PIGK: variants seen among roughly 807,000 people sequenced by gnomAD.
The protein encoded by PIGK is phosphatidylinositol glycan anchor biosynthesis class K, also known as GPI-anchor transamidase.
In PIGK, 42 loss-of-function variants were observed where a neutral mutation model predicts 50.6. The ratio of observed to expected loss-of-function variants is 0.83; its 90% CI spans 0.65 to 1.07. The LOEUF (loss-of-function observed/expected upper bound fraction) is 1.07. Ranked by LOEUF, PIGK falls within the 50% of genes least tolerant of loss-of-function variation. The probability of loss-of-function intolerance (pLI) is 0.00; values close to 1 mark genes in which losing one functional copy is unlikely to be tolerated. For missense variants in PIGK, 448 were observed against 488.7 expected (o/e 0.92, Z 0.78); for synonymous variants, 151 against 156.0 (o/e 0.97, Z 0.24).
rs1261363106 is a variant in PIGK at position 77,219,387 on chromosome 1, T to G, written c.16A>C (p.Ser6Arg). The G allele has an allele frequency of 1.9e-6, 3 of 1,613,478 alleles. No homozygotes were observed. The African/African-American group carries it at 4.0e-5, about 22-fold the overall frequency. Reference sequence around the variant, plus strand: ...AAGACAGTCGCAGCCCGGCTGAGGCTGTCGGTGACGGCCATGTTTACCGGC... The same window carrying G: ...AAGACAGTCGCAGCCCGGCTGAGGCGGTCGGTGACGGCCATGTTTACCGGC... MAVTD[S>R]LSRAATVLAT... Residue 6 changes from serine (S) to arginine (R), a missense_variant, in exon 1 of 11, where the codon AGC becomes CGC. Physicochemically the swap from Ser to Arg is moderately radical, Grantham distance 110. Transcript: ENST00000370812.
chr1:77,139,855 T>C (rs6700145), intron 9 of PIGK, among the ~76,000 whole-genome samples: 17,223 of 152,202 alleles, frequency 0.11, 1,334 homozygotes, highest in African/African-American at 0.21. Context: ...AGTCAATTGA[T>C]TATTCTTTAT....
chr1:77,169,317 C>G lies in PIGK; in HGVS notation c.318G>C (p.Lys106Asn). The change falls in exon 4 of 11, where the codon AAG becomes AAC. Residue 106 changes from lysine to asparagine, a missense_variant. Transcript: ENST00000370812. The part of the protein sequence containing the change: ...NPKPATVFSH[K>N]NMELNVYGDD... ...CTCCATACACATTTAGTTCCATATT[C>G]TTGTGACTAAACACTGTAGCTGGTT... 6.3e-7 allele frequency: 1 copy of G among 1,598,032 alleles called. No individual in the cohort carries two copies.
intron 2 of PIGK, 141 bp from the exon 3 acceptor site, chr1:77,206,872 A>G: frequency 1.9e-6 from 1 of 532,160 alleles, no homozygotes; most frequent in Non-Finnish European, 3.3e-6. Context: ...AAACACAAAA[A>G]ATTGTCAGTA....
At chr1:77,134,755 T>G (rs1235691506) in intron 9 of PIGK, among the ~76,000 whole-genome samples, 1 of 152,210 alleles carries the variant, frequency 6.6e-6, no homozygotes, top group Non-Finnish European at 1.5e-5. Context: ...CTTGGTGAGC[T>G]CATAAGCCTA....
At chr1:77,118,815 G>C (rs1030096238) in intron 10 of PIGK, among the ~76,000 whole-genome samples, 3 of 152,132 alleles carry the variant, frequency 2.0e-5, no homozygotes, top group Admixed American at 2.0e-4. Flanking sequence ...GTGATGGTTA[G>C]TACTGAGTGT....
chr1:77,147,391 C>T (rs1319405214), intron 9 of PIGK, among the ~76,000 whole-genome samples: 5 of 151,964 alleles, frequency 3.3e-5, no homozygotes, highest in African/African-American at 1.2e-4. Flanking sequence ...GAGGTGAGGG[C>T]AGGGGAGAAA....
chr1:77,136,445 C>T (rs1325010901), intron 9 of PIGK, among the ~76,000 whole-genome samples: 2 of 144,232 alleles, frequency 1.4e-5, no homozygotes, highest in Non-Finnish European at 1.5e-5. Flanking sequence ...AGGAGAACGG[C>T]GTGAACCCGG....
rs565131131 is a variant in PIGK, at chr1:77,197,556, G to A, written c.239+9084C>T. 4.9e-4 allele frequency among the ~76,000 whole-genome samples: 74 copies of A among 152,310 alleles called. 1 individual carries two copies. The highest frequency in any genetic ancestry group is 1.8e-3 in the African/African-American group (73 of 41,576). On this transcript the variant is annotated intron_variant, in intron 3 of 10. Coordinates refer to ENST00000370812, the MANE Select transcript of PIGK (RefSeq NM_005482.3). ...CAGTGAGAAACAAGGGAAGTAGAGA[G>A]GCAATGCAGCCACTCATGTTCTCGT...
intron 3 of PIGK, among the ~76,000 whole-genome samples, chr1:77,182,297 G>C (rs1406870119): frequency 6.6e-6 from 1 of 152,206 alleles, no homozygotes; most frequent in Non-Finnish European, 1.5e-5. Context: ...TCCAGCAGGG[G>C]AGAAAGATGT....
intron 3 of PIGK, among the ~76,000 whole-genome samples, chr1:77,205,152 C>T (rs945928075): frequency 6.6e-6 from 1 of 152,002 alleles, no homozygotes; most frequent in African/African-American, 2.4e-5. Context: ...ATGATTGACT[C>T]ATAGAAGAAA....
At chr1:77,194,981 G>A (rs545681435) in intron 3 of PIGK, 9 of 647,724 alleles carry the variant, frequency 1.4e-5, no homozygotes, top group African/African-American at 7.2e-5. Context: ...AGAGGATCAC[G>A]TGGAAGCAGT....
chr1:77,145,773 G>A (rs1383067496), intron 9 of PIGK, among the ~76,000 whole-genome samples: 1 of 151,740 alleles, frequency 6.6e-6, no homozygotes, highest in Non-Finnish European at 1.5e-5. Flanking sequence ...AAAAAATTTG[G>A]AGGACTTATA....
chr1:77,129,774 A>T, intron 9 of PIGK: 2 of 594,282 alleles, frequency 3.4e-6, no homozygotes, highest in Non-Finnish European at 5.1e-6. Context: ...AAAGTTGCCC[A>T]ACCTATACAT....
At chr1:77,113,059 T>A (rs1337627607) in intron 10 of PIGK, among the ~76,000 whole-genome samples, 2 of 152,106 alleles carry the variant, frequency 1.3e-5, no homozygotes, top group Non-Finnish European at 2.9e-5. Flanking sequence ...CAATGAATTT[T>A]AAAGGATCAA....
chr1:77,115,684 C>G (rs1348236911), intron 10 of PIGK, among the ~76,000 whole-genome samples: 1 of 152,094 alleles, frequency 6.6e-6, no homozygotes, highest in Non-Finnish European at 1.5e-5. Flanking sequence ...ACAGATGAAA[C>G]AAGACTTTGC....
chr1:77,203,009 C>A (rs1170722162), intron 3 of PIGK, among the ~76,000 whole-genome samples: 2 of 152,252 alleles, frequency 1.3e-5, no homozygotes, highest in East Asian at 3.9e-4. Context: ...CTTCGCAGAG[C>A]ATGGAGAACA....
intron 9 of PIGK, among the ~76,000 whole-genome samples, chr1:77,148,736 G>T (rs1412058263): frequency 3.4e-5 from 5 of 148,110 alleles, no homozygotes; most frequent in African/African-American, 1.3e-4. Flanking sequence ...TTTTTTTTGA[G>T]ACAGAGTCTT....
chr1:77,141,749 ATTAAT>A (rs1389586208), intron 9 of PIGK, among the ~76,000 whole-genome samples: 1 of 152,130 alleles, frequency 6.6e-6, no homozygotes, highest in Admixed American at 6.5e-5. Context: ...TATTTACTAT[ATTAAT>A]TTAATAAAAG....
chr1:77,103,605 G>C (rs901238175), intron 10 of PIGK, among the ~76,000 whole-genome samples: 6 of 152,168 alleles, frequency 3.9e-5, no homozygotes, highest in African/African-American at 1.4e-4. Flanking sequence ...ATTGCCCCAA[G>C]CTCATTGCCT....
Sources: allele counts gnomAD v4.1 joint callset (sites outside exome capture counted in the v4.1 genomes callset), GRCh38; gene constraint gnomAD v4.1.1; transcripts MANE v1.5; gene names NCBI Gene and HGNC (gene_info 2026-07-23, HGNC 2026-07-21).